The following AFAP1 variants were observed in gnomAD, a reference collection of about 807,000 sequenced individuals.
AFAP1 encodes actin filament associated protein 1, also known as actin filament-associated protein 1.
A neutral mutation model predicts 93.9 loss-of-function variants in AFAP1; 75 were observed. The ratio of observed to expected loss-of-function variants is 0.80; its 90% confidence interval spans 0.66 to 0.97. The LOEUF is 0.97. Among genes scored for constraint, AFAP1 ranks in the 50% least tolerant of loss-of-function variants. AFAP1 has a pLI of 0.00. For missense variants in AFAP1, 1,201 were observed against 1,050.8 expected, an observed-to-expected ratio of 1.14 and a Z score of -1.98; for synonymous variants, 517 against 430.7, an observed-to-expected ratio of 1.20 and a Z score of -2.48.
Position 7,898,808 on chromosome 4 carries a change from AGTGT to A in AFAP1, c.-2-26732_-2-26729del, listed in dbSNP as rs56404898. Among the ~76,000 whole-genome samples the A allele has an allele frequency of 9.1e-3, 1,250 of 137,018 alleles. 54 individuals carry two copies. The East Asian group carries it at 0.12, about 14-fold the overall frequency. 89.9% of individuals were successfully genotyped at this position (137,018 alleles called of 152,430 possible). On this transcript the variant is annotated intron_variant, in intron 1 of 17. Transcript: ENST00000420658. ...TTGTCTTTCTGTGCTGGGCAGTAGA[AGTGT>A]GTGTGTGTGTGTGTGTGTGTGTGTG...
chr4:7,874,217 C>T (rs181759082), intron 1 of AFAP1, among the ~76,000 whole-genome samples: 38 of 152,258 alleles, frequency 2.5e-4, no homozygotes, highest in Non-Finnish European at 4.4e-4. Context: ...GCTTCAGATG[C>T]CACATCACAA....
At chr4:7,827,758 T>C (rs1328333631) in intron 6 of AFAP1, among the ~76,000 whole-genome samples, 1 of 151,034 alleles carries the variant, frequency 6.6e-6, no homozygotes. Context: ...GAAAACCAGA[T>C]GTGGAGAACA....
chr4:7,829,890 A>C (rs1452583676), intron 6 of AFAP1, among the ~76,000 whole-genome samples: 1 of 152,234 alleles, frequency 6.6e-6, no homozygotes, highest in Non-Finnish European at 1.5e-5. Context: ...ACAGACCAGC[A>C]AAAGTGTGAG....
chr4:7,888,142 A>G (rs1421496611), intron 1 of AFAP1, among the ~76,000 whole-genome samples: 1 of 152,250 alleles, frequency 6.6e-6, no homozygotes, highest in Admixed American at 6.5e-5. Flanking sequence ...AAGAACAATT[A>G]TTAATTTCAG....
intron 3 of AFAP1, among the ~76,000 whole-genome samples, chr4:7,860,970 T>C (rs1715615460): frequency 6.6e-6 from 1 of 152,224 alleles, no homozygotes; most frequent in African/African-American, 2.4e-5. Context: ...CTCTGTCTGC[T>C]GCTCCCCACC....
At chr4:7,869,289 A>G (rs1051985584) in intron 2 of AFAP1, among the ~76,000 whole-genome samples, 1 of 152,180 alleles carries the variant, frequency 6.6e-6, no homozygotes, top group South Asian at 2.1e-4. Flanking sequence ...ATAGATGGAA[A>G]TGGCGGCACT....
chr4:7,938,823 G>A (rs1264355966), intron 1 of AFAP1, among the ~76,000 whole-genome samples: 4 of 152,138 alleles, frequency 2.6e-5, no homozygotes, highest in Non-Finnish European at 2.9e-5. Flanking sequence ...CCAGCCCGGG[G>A]CCAGAGCAGG....
chr4:7,850,689 G>A lies in AFAP1; in HGVS notation c.334+4777C>T, dbSNP rs369265270. On this transcript the variant is annotated intron_variant, in intron 4 of 17. Coordinates refer to ENST00000420658, the MANE Select transcript of AFAP1 (RefSeq NM_001134647.2). ...CCCTGCAGAAGCTGTGGCATGTTGC[G>A]CACCCTGCTGGTGTGGGGCAGCCAT... Among the ~76,000 whole-genome samples, 8 of 152,320 alleles carry A rather than the reference G, an allele frequency of 5.3e-5. No homozygotes were observed. The South Asian group carries it at 1.2e-3, about 24-fold the overall frequency.
intron 4 of AFAP1, among the ~76,000 whole-genome samples, chr4:7,854,491 G>C (rs1714817831): frequency 6.6e-6 from 1 of 152,184 alleles, no homozygotes; most frequent in African/African-American, 2.4e-5. Context: ...CAATCATCAA[G>C]ACGGATCCTG....
chr4:7,801,498 A>G (rs188986323), intron 9 of AFAP1, among the ~76,000 whole-genome samples: 36 of 152,306 alleles, frequency 2.4e-4, no homozygotes, highest in Admixed American at 1.6e-3. Flanking sequence ...CATAAAATGA[A>G]TTCTTCTAGA....
chr4:7,813,489 CAT>C (rs1354149310), intron 8 of AFAP1, among the ~76,000 whole-genome samples: 4 of 152,208 alleles, frequency 2.6e-5, no homozygotes, highest in Non-Finnish European at 5.9e-5. Context: ...TCCAGACACA[CAT>C]ATTATTCTGT....
intron 14 of AFAP1, chr4:7,775,401 C>T (rs1240002525): frequency 6.5e-6 from 1 of 152,822 alleles, no homozygotes; most frequent in Non-Finnish European, 1.5e-5. Flanking sequence ...TAATCTGCAA[C>T]AAGGTGGAGA....
chr4:7,863,997 ACCTTCCCAACTTCCCATCACAACC>A (rs1716071381), intron 3 of AFAP1, among the ~76,000 whole-genome samples: 2 of 125,580 alleles, frequency 1.6e-5, no homozygotes, highest in South Asian at 2.4e-4. Flanking sequence ...CCATCACAAC[ACCTTCCCAACTTCCCATCACAACC>A]CATTCCCAAC....
chr4:7,835,876 G>A (rs1007818308), intron 6 of AFAP1, among the ~76,000 whole-genome samples: 3 of 151,924 alleles, frequency 2.0e-5, no homozygotes, highest in Non-Finnish European at 4.4e-5. Context: ...AATGGACTGA[G>A]GGCTGCCTTA....
intron 1 of AFAP1, among the ~76,000 whole-genome samples, chr4:7,881,206 G>A (rs1717822530): frequency 6.6e-6 from 1 of 151,882 alleles, no homozygotes; most frequent in Admixed American, 6.6e-5. Flanking sequence ...CCCTCTGTAC[G>A]TCCCCGCTCC....
intron 3 of AFAP1, among the ~76,000 whole-genome samples, chr4:7,858,013 TA>T (rs1200892030): frequency 6.6e-6 from 1 of 152,204 alleles, no homozygotes; most frequent in East Asian, 1.9e-4. Flanking sequence ...GGATGTTCAA[TA>T]AAAGTTTGTT....
chr4:7,865,442 C>T (rs1465637734), intron 3 of AFAP1, among the ~76,000 whole-genome samples: 1 of 152,192 alleles, frequency 6.6e-6, no homozygotes, highest in African/African-American at 2.4e-5. Flanking sequence ...AAAATTTTCT[C>T]ACCTTAACCA....
chr4:7,845,854 T>C (rs1482426519), intron 4 of AFAP1, among the ~76,000 whole-genome samples: 1 of 149,820 alleles, frequency 6.7e-6, no homozygotes, highest in Non-Finnish European at 1.5e-5. Flanking sequence ...CTCCCCCTGC[T>C]GCCAAAGCTC....
At chr4:7,829,869 G>A (rs561301110) in intron 6 of AFAP1, among the ~76,000 whole-genome samples, 2 of 152,326 alleles carry the variant, frequency 1.3e-5, no homozygotes, top group African/African-American at 2.4e-5. Context: ...CTCTTTCTGA[G>A]AATTTAGGCT....
Sources: gnomAD v4.1 joint callset for allele counts (sites outside exome capture counted in the v4.1 genomes callset) on GRCh38, gnomAD v4.1.1 for gene constraint, MANE v1.5 for transcripts, NCBI Gene and HGNC (gene_info 2026-07-23, HGNC 2026-07-21) for gene names.